CHP1: variants seen among roughly 807,000 people sequenced by gnomAD.
CHP1 encodes the protein calcineurin B homologous protein 1.
Under a neutral mutation model 27.4 loss-of-function variants are expected in CHP1, and 11 were observed. That is an observed-to-expected ratio of 0.40 (90% CI 0.25 to 0.67). The LOEUF (loss-of-function observed/expected upper bound fraction) is 0.67, where lower values mean the gene tolerates loss of function less well. Ranked by LOEUF, CHP1 falls within the 30% of genes least tolerant of loss-of-function variation. CHP1 has a pLI of 0.38. For synonymous variants in CHP1, 89 were observed against 87.4 expected (o/e 1.02, Z -0.10); for missense variants, 169 against 251.3 (o/e 0.67, Z 2.22).
intron 1 of CHP1, among the ~76,000 whole-genome samples, chr15:41,239,498 G>C (rs542773507): frequency 6.6e-6 from 1 of 152,062 alleles, no homozygotes. Flanking sequence ...CCATCTCCCA[G>C]GATCAAGCGA....
chr15:41,270,534 A>T (rs752535774), intron 4 of CHP1, 23 bp from the exon 5 acceptor site: 1 of 1,600,622 alleles, frequency 6.2e-7, no homozygotes, highest in Non-Finnish European at 8.6e-7. Context: ...AATTTTGACT[A>T]ACTTTGTGTT....
intron 4 of CHP1, chr15:41,264,177 G>GATAT (rs1477028734): frequency 7.8e-7 from 1 of 1,286,060 alleles, no homozygotes; most frequent in African/African-American, 1.5e-5. Flanking sequence ...GAGGAAGAGA[G>GATAT]ATATATATAG....
intron 3 of CHP1, among the ~76,000 whole-genome samples, chr15:41,257,674 C>G (rs1178874702): frequency 6.6e-6 from 1 of 152,010 alleles, no homozygotes; most frequent in Non-Finnish European, 1.5e-5. Context: ...ATTCTCCTGC[C>G]TCAGCCTCCG....
At chr15:41,278,040 A>T (rs1209841289) in intron 5 of CHP1, among the ~76,000 whole-genome samples, 1 of 150,968 alleles carries the variant, frequency 6.6e-6, no homozygotes, top group Non-Finnish European at 1.5e-5. Flanking sequence ...TTTTTAACAA[A>T]TTTTTTGGCC....
intron 5 of CHP1, 147 bp from the exon 6 acceptor site, chr15:41,278,620 C>T (rs2047531078): frequency 2.2e-6 from 2 of 889,208 alleles, no homozygotes; most frequent in Non-Finnish European, 1.7e-6. Context: ...TGCAGTCGGT[C>T]ATTAACCAAA....
chr15:41,233,105 C>G (rs1376555184), intron 1 of CHP1, among the ~76,000 whole-genome samples: 2 of 152,176 alleles, frequency 1.3e-5, no homozygotes, highest in Non-Finnish European at 2.9e-5. Flanking sequence ...CTGACTTACT[C>G]TGACCCTCGG....
chr15:41,255,928 A>G (rs1200104933), intron 2 of CHP1, among the ~76,000 whole-genome samples: 1 of 152,156 alleles, frequency 6.6e-6, no homozygotes, highest in Non-Finnish European at 1.5e-5. Context: ...GAGGCAGGAG[A>G]ATCGCTTGAA....
rs759469482 is a variant in CHP1 at position 41,279,314 on chromosome 15, T to C, written c.535-22T>C. ...TTGTAATCTTCATAACCTTTGTAACTGTTACTGGTTTTCTCCCCCAGGTTT... is the reference window on the plus strand; with the variant it reads ...TTGTAATCTTCATAACCTTTGTAACCGTTACTGGTTTTCTCCCCCAGGTTT... On this transcript the variant is annotated intron_variant, in intron 6 of 6. Transcript: ENST00000334660. 10 of 1,598,962 alleles carry C rather than the reference T, an allele frequency of 6.3e-6. No individual in the cohort carries two copies. The South Asian group carries it at 1.1e-4, about 18-fold the overall frequency.
intron 1 of CHP1, among the ~76,000 whole-genome samples, chr15:41,237,564 C>T (rs920307449): frequency 6.6e-6 from 1 of 152,152 alleles, no homozygotes; most frequent in African/African-American, 2.4e-5. Flanking sequence ...GGCTTGAAGT[C>T]TTCATGTCAG....
At position 41,231,377 on chromosome 15, in the gene CHP1, ACGGCG is replaced by A. The variant is rs750743043; in HGVS notation, c.-5_-1del. The stretch of plus-strand genomic sequence containing the variant: ...CGCTGCTCCCGGAGGAGCTCCCGGC[ACGGCG>A]ATGGGTTCTCGGGCCTCCACGTTAC... On this transcript the variant is annotated 5_prime_UTR_variant, in exon 1 of 7. Transcript: ENST00000334660. 2.9e-5 allele frequency: 46 copies of A among 1,596,584 alleles called. No individual in the cohort carries two copies. The highest frequency in any genetic ancestry group is 3.7e-5 in the Non-Finnish European group (43 of 1,173,190).
At chr15:41,274,784 G>T (rs1383231856) in intron 5 of CHP1, among the ~76,000 whole-genome samples, 2 of 138,756 alleles carry the variant, frequency 1.4e-5, no homozygotes, top group African/African-American at 5.5e-5. Flanking sequence ...TGCTAGCATT[G>T]TCTTTGTTTT....
At position 41,267,031 on chromosome 15, in the gene CHP1, C is replaced by G. The variant is rs1399844521; in HGVS notation, c.350-3526C>G. On this transcript the variant is annotated intron_variant, in intron 4 of 6. Coordinates refer to ENST00000334660, the MANE Select transcript of CHP1 (RefSeq NM_007236.5). ...AAAAAGGAAATTCTGGCAAATGGTA[C>G]AACATGGATGAATCTTGAAGACATT... 2.6e-5 allele frequency among the ~76,000 whole-genome samples: 4 copies of G among 151,820 alleles called. No individual in the cohort carries two copies. The East Asian group carries it at 7.8e-4, about 29-fold the overall frequency.
chr15:41,280,505 ATTT>A lies in CHP1; in HGVS notation c.*1141_*1143del, dbSNP rs34921023. The A allele has an allele frequency of 8.1e-5, 9 of 111,364 alleles. No homozygotes were observed. The highest frequency in any genetic ancestry group is 2.4e-4 in the African/African-American group (7 of 28,670). The allele number at this position is 111,364 out of a possible 1,614,324, so 6.9% of individuals were successfully genotyped here. A position where few individuals can be genotyped will look rare whatever the true frequency, so the allele number is the denominator to read the frequency against. ...GGAAGTGCCTAATATCCCAGTCCAAATTTTTTTTTTTTTTTTTTTTTTTTTTTG... is the reference window on the plus strand; with the variant it reads ...GGAAGTGCCTAATATCCCAGTCCAAATTTTTTTTTTTTTTTTTTTTTTTTG... On this transcript the variant is annotated 3_prime_UTR_variant, in exon 7 of 7. Coordinates refer to ENST00000334660, the MANE Select transcript of CHP1 (RefSeq NM_007236.5).
chr15:41,256,747 G>T, intron 2 of CHP1, 163 bp from the exon 3 acceptor site: 1 of 628,090 alleles, frequency 1.6e-6, no homozygotes. Context: ...ACACTTGGCA[G>T]CTATTAAAGT....
At chr15:41,246,794 A>G (rs192889806) in intron 2 of CHP1, among the ~76,000 whole-genome samples, 2,621 of 150,610 alleles carry the variant, frequency 0.017, 38 homozygotes, top group South Asian at 0.033. Flanking sequence ...AGTCCCAGCT[A>G]CTCGAGAGGC....
At chr15:41,238,057 T>C (rs2047286314) in intron 1 of CHP1, among the ~76,000 whole-genome samples, 1 of 152,170 alleles carries the variant, frequency 6.6e-6, no homozygotes, top group South Asian at 2.1e-4. Context: ...CCTCTGCCAC[T>C]TCTGCTTCGC....
intron 4 of CHP1, among the ~76,000 whole-genome samples, chr15:41,265,694 G>GA (rs1407637352): frequency 1.4e-5 from 2 of 146,294 alleles, no homozygotes; most frequent in African/African-American, 5.1e-5. Flanking sequence ...CTGGGCAACA[G>GA]AGCAAAACTC....
At position 41,255,492 on chromosome 15, in the gene CHP1, G is replaced by A. The variant is rs184810047; in HGVS notation, c.141-1418G>A. ...GTTCAAGACCAGCCTGGCCAATGTGGTAAAACCCCACCTCTACTAAAAATA... is the reference window on the plus strand; with the variant it reads ...GTTCAAGACCAGCCTGGCCAATGTGATAAAACCCCACCTCTACTAAAAATA... On this transcript the variant is annotated intron_variant, in intron 2 of 6. Coordinates refer to ENST00000334660, the MANE Select transcript of CHP1 (RefSeq NM_007236.5). Among the ~76,000 whole-genome samples the A allele has an allele frequency of 5.6e-3, 857 of 152,066 alleles. 6 individuals carry two copies. Among genetic ancestry groups the A allele is most frequent in the Non-Finnish European group, 0.01 (706 of 68,002 alleles).
rs1399982371 is a variant in CHP1, at chr15:41,279,989, T to C, written c.*600T>C. ...TGGCAGTTTTTATTTACCTTCATTA[T>C]TAAATGGGCCTCTGGGATGTTGCCT... is the stretch of plus-strand genomic sequence containing the variant. On this transcript the variant is annotated 3_prime_UTR_variant, in exon 7 of 7. Coordinates refer to ENST00000334660, the MANE Select transcript of CHP1 (RefSeq NM_007236.5). 6.6e-6 allele frequency: 1 copy of C among 152,436 alleles called. No individual in the cohort carries two copies. Among genetic ancestry groups the C allele is most frequent in the Non-Finnish European group, 1.5e-5 (1 of 68,254 alleles). 9.4% of individuals were successfully genotyped at this position (152,436 alleles called of 1,614,324 possible).
Sources: allele counts gnomAD v4.1 joint callset (sites outside exome capture counted in the v4.1 genomes callset), GRCh38; gene constraint gnomAD v4.1.1; transcripts MANE v1.5; gene names NCBI Gene and HGNC (gene_info 2026-07-23, HGNC 2026-07-21).